Variants in CCDC102B observed in about 807,000 individuals in gnomAD.
The protein encoded by CCDC102B is coiled-coil domain-containing protein 102B.
CCDC102B carries 75 observed loss-of-function variants against 57.4 expected under a neutral mutation model. The ratio of observed to expected loss-of-function variants is 1.31; its 90% confidence interval spans 1.08 to 1.58. The LOEUF is 1.58. CCDC102B is among the 40% of genes most tolerant of loss of function. CCDC102B has a pLI of 0.00. For missense variants in CCDC102B, 636 were observed against 582.6 expected (o/e 1.09, Z -0.94); for synonymous variants, 206 against 201.9 (o/e 1.02, Z -0.17).
intron 1 of CCDC102B, among the ~76,000 whole-genome samples, chr18:68,822,384 A>G (rs565215964): frequency 2.1e-5 from 3 of 141,114 alleles, no homozygotes; most frequent in African/African-American, 8.2e-5. Flanking sequence ...ACATAGCGAG[A>G]CTCCATTTCA....
chr18:68,801,160 G>A (rs543516065), intron 1 of CCDC102B, among the ~76,000 whole-genome samples: 2 of 152,222 alleles, frequency 1.3e-5, no homozygotes, highest in East Asian at 1.9e-4. Flanking sequence ...TAGTTGAAAT[G>A]CAAAGATTTG....
intron 2 of CCDC102B, among the ~76,000 whole-genome samples, chr18:68,763,076 T>C (rs2034307589): frequency 6.6e-6 from 1 of 152,156 alleles, no homozygotes; most frequent in Admixed American, 6.6e-5. Flanking sequence ...TTTACGTGGG[T>C]TATATTCTTC....
chr18:68,837,432 G>A, intron 2 of CCDC102B, 63 bp downstream of exon 2: 1 of 1,476,586 alleles, frequency 6.8e-7, no homozygotes, highest in Admixed American at 2.0e-5. Context: ...TGGGGAGGAA[G>A]AAGGAAGTGA....
downstream of CCDC102B, among the ~76,000 whole-genome samples, chr18:69,056,312 A>T (rs1421958694): frequency 6.6e-6 from 1 of 152,096 alleles, no homozygotes; most frequent in African/African-American, 2.4e-5. Context: ...GCAACAATCA[A>T]TGCCAAAACT....
intron 2 of CCDC102B, among the ~76,000 whole-genome samples, chr18:68,717,531 A>T (rs185631080): frequency 9.2e-5 from 14 of 152,314 alleles, no homozygotes; most frequent in Admixed American, 8.5e-4. Context: ...CACATCACTG[A>T]TCTAGGCAAT....
At chr18:68,938,752 A>C (rs1375637724) in intron 6 of CCDC102B, among the ~76,000 whole-genome samples, 1 of 151,396 alleles carries the variant, frequency 6.6e-6, no homozygotes, top group South Asian at 2.1e-4. Context: ...AAATCTATGC[A>C]CTCTTGAATT....
chr18:68,911,715 G>A lies in CCDC102B; in HGVS notation c.1263+14287G>A, dbSNP rs557776530. Among the ~76,000 whole-genome samples the A allele has an allele frequency of 3.5e-3, 403 of 114,774 alleles. 3 individuals are homozygous for A. The highest frequency in any genetic ancestry group is 6.9e-3 in the Admixed American group (65 of 9,412). The allele number at this position is 114,774 out of a possible 152,430, so 75.3% of individuals were successfully genotyped here. A position where few individuals can be genotyped will look rare whatever the true frequency, so the allele number is the denominator to read the frequency against. On this transcript the variant is annotated intron_variant, in intron 6 of 7. Coordinates refer to ENST00000360242, the MANE Select transcript of CCDC102B (RefSeq NM_024781.3). Reference sequence around the variant, plus strand: ...TGCAGTGAGCCGAGATCGCGCCACTGCACTCCAGCCTGGGCGACAGAGCGA... The same window carrying A: ...TGCAGTGAGCCGAGATCGCGCCACTACACTCCAGCCTGGGCGACAGAGCGA...
rs974676326 is a variant in CCDC102B, at chr18:68,943,135, G to T, written c.1263+45707G>T. On this transcript the variant is annotated intron_variant, in intron 6 of 7. Transcript: ENST00000360242. ...GGGTTACAGATTAACAGTATCTCAA[G>T]GCAGAAGAATTTTTCTTAGTACAGA... Among the ~76,000 whole-genome samples, 6 of 148,710 alleles carry T rather than the reference G, an allele frequency of 4.0e-5. No homozygotes were observed. The Admixed American group carries it at 4.1e-4, about 10-fold the overall frequency.
In CCDC102B at chr18:69,010,996, A is replaced by G; in HGVS notation, c.1326A>G (p.Ala442=). The change falls in exon 7 of 8, where the codon GCA becomes GCG. Residue 442 remains alanine, a synonymous_variant. Transcript: ENST00000360242. ...ACAGACAATACCAGGCAAATATTGC[A>G]GAACTGACTCATGCAAACAACCGAG... ...KLNRQYQANI[A]ELTHANNRVD... The G allele has an allele frequency of 1.9e-6, 3 of 1,613,940 alleles. No homozygotes were observed. The highest frequency in any genetic ancestry group is 2.2e-5 in the South Asian group (2 of 91,054).
chr18:68,838,352 C>T (rs1241642135), intron 2 of CCDC102B: 2 of 921,662 alleles, frequency 2.2e-6, no homozygotes, highest in African/African-American at 3.6e-5. Context: ...CTGTAAGTGT[C>T]TTATGACAAA....
chr18:69,024,500 A>T (rs182193648), intron 7 of CCDC102B, among the ~76,000 whole-genome samples: 20 of 152,246 alleles, frequency 1.3e-4, no homozygotes, highest in Admixed American at 8.5e-4. Flanking sequence ...ACAATAAAAT[A>T]TAAACCATAC....
exon 1 of CCDC102B, chr18:68,715,241 C>G: frequency 3.0e-6 from 4 of 1,341,992 alleles, no homozygotes; most frequent in Non-Finnish European, 3.8e-6. Context: ...TCTCGGTGCC[C>G]CCCTCCACGC....
At chr18:68,745,117 G>A (rs1043692014) in intron 2 of CCDC102B, among the ~76,000 whole-genome samples, 1 of 152,148 alleles carries the variant, frequency 6.6e-6, no homozygotes, top group Non-Finnish European at 1.5e-5. Flanking sequence ...CCCCACAGAG[G>A]TAGGAGAGGA....
chr18:69,025,358 T>C (rs952048125), intron 7 of CCDC102B, among the ~76,000 whole-genome samples: 2 of 152,226 alleles, frequency 1.3e-5, no homozygotes, highest in African/African-American at 4.8e-5. Context: ...GGTAACTCAA[T>C]GTAGAGCTCA....
chr18:68,869,955 C>G (rs553666416), intron 4 of CCDC102B, among the ~76,000 whole-genome samples: 2 of 152,064 alleles, frequency 1.3e-5, no homozygotes, highest in Non-Finnish European at 2.9e-5. Flanking sequence ...AGCCAGTTTT[C>G]CCAGCACTAT....
At chr18:68,926,146 T>G (rs1208163571) in intron 6 of CCDC102B, among the ~76,000 whole-genome samples, 1 of 151,954 alleles carries the variant, frequency 6.6e-6, no homozygotes, top group Admixed American at 6.6e-5. Context: ...TGATTCTTTC[T>G]TAAATATTTG....
At chr18:68,952,928 TG>T (rs1314331580) in intron 6 of CCDC102B, among the ~76,000 whole-genome samples, 1 of 152,022 alleles carries the variant, frequency 6.6e-6, no homozygotes. Context: ...ACTACACACA[TG>T]GGGGGTAGTG....
At chr18:68,840,591 G>A (rs1187130523) in intron 3 of CCDC102B, among the ~76,000 whole-genome samples, 8 of 152,078 alleles carry the variant, frequency 5.3e-5, no homozygotes, top group East Asian at 1.9e-4. Flanking sequence ...TTTTAGGCTC[G>A]TACACATAGT....
intron 2 of CCDC102B, among the ~76,000 whole-genome samples, chr18:68,733,302 G>A (rs1026067179): frequency 1.3e-5 from 2 of 151,888 alleles, no homozygotes; most frequent in South Asian, 4.2e-4. Flanking sequence ...TTAAAGAACA[G>A]GGGAGAAATG....
Sources: allele counts gnomAD v4.1 joint callset (sites outside exome capture counted in the v4.1 genomes callset), GRCh38; gene constraint gnomAD v4.1.1; transcripts MANE v1.5; gene names NCBI Gene and HGNC (gene_info 2026-07-23, HGNC 2026-07-21).